TMEM132C: variants seen among roughly 807,000 people sequenced by gnomAD.
TMEM132C encodes transmembrane protein 132C, also known as protein phosphatase 1, regulatory subunit 152.
Under a neutral mutation model 61.4 loss-of-function variants are expected in TMEM132C, and 29 were observed. The ratio of observed to expected loss-of-function variants is 0.47; its 90% confidence interval spans 0.35 to 0.64. The LOEUF (loss-of-function observed/expected upper bound fraction) is 0.64. Among genes scored for constraint, TMEM132C ranks in the 30% least tolerant of loss-of-function variants. The probability of loss-of-function intolerance (pLI) is 0.00; values close to 1 mark genes in which losing one functional copy is unlikely to be tolerated. For missense variants in TMEM132C, 1,408 were observed against 1,476.9 expected (o/e 0.95, Z 0.76); for synonymous variants, 656 against 633.1 (o/e 1.04, Z -0.54).
intron 4 of TMEM132C, among the ~76,000 whole-genome samples, chr12:128,646,386 TGTGA>T (rs1242002205): frequency 2.0e-5 from 3 of 151,640 alleles, no homozygotes; most frequent in Admixed American, 6.6e-5. Context: ...CAGCGTTGGA[TGTGA>T]GTGTGTTTAC....
chr12:128,493,173 T>G lies in TMEM132C; in HGVS notation c.975-50784T>G, dbSNP rs556878014. 1.2e-4 allele frequency among the ~76,000 whole-genome samples: 19 copies of G among 152,314 alleles called. No homozygotes were observed. The South Asian group carries it at 3.7e-3, about 30-fold the overall frequency. On this transcript the variant is annotated intron_variant, in intron 2 of 8. Transcript: ENST00000435159. ...TCAGATGGTTTTAGATGTGTAGTAT[T>G]ATTTCTGAGGGCTCTGTTCTGTTCC...
intron 1 of TMEM132C, among the ~76,000 whole-genome samples, chr12:128,382,594 A>G (rs1874437207): frequency 6.6e-6 from 1 of 152,232 alleles, no homozygotes; most frequent in Non-Finnish European, 1.5e-5. Context: ...ATCTATAAAA[A>G]GAGAGGATCC....
chr12:128,493,334 A>C (rs1305865876), intron 2 of TMEM132C, among the ~76,000 whole-genome samples: 2 of 152,068 alleles, frequency 1.3e-5, no homozygotes, highest in African/African-American at 4.8e-5. Context: ...GCAATGTGGA[A>C]TGTTTTTTGG....
intron 1 of TMEM132C, among the ~76,000 whole-genome samples, chr12:128,401,860 G>A (rs528623714): frequency 6.6e-6 from 1 of 152,172 alleles, no homozygotes; most frequent in East Asian, 1.9e-4. Flanking sequence ...TGCCAGTGGT[G>A]TTCCTCCCTC....
intron 4 of TMEM132C, among the ~76,000 whole-genome samples, chr12:128,653,139 C>T (rs1049886258): frequency 1.3e-5 from 2 of 152,006 alleles, no homozygotes; most frequent in Admixed American, 6.6e-5. Flanking sequence ...GTGGACGAAC[C>T]TTGAAAATAT....
intron 5 of TMEM132C, among the ~76,000 whole-genome samples, chr12:128,684,305 T>C (rs1011856583): frequency 5.0e-5 from 7 of 139,448 alleles, no homozygotes; most frequent in African/African-American, 6.4e-5. Context: ...CCTGGTTTCA[T>C]AGATGAGGAA....
intron 1 of TMEM132C, among the ~76,000 whole-genome samples, chr12:128,345,232 G>T (rs1309612272): frequency 3.3e-5 from 5 of 152,138 alleles, no homozygotes; most frequent in Non-Finnish European, 5.9e-5. Flanking sequence ...CGAAGTACAT[G>T]ATCTCATTCC....
chr12:128,704,709 T>C (rs1229175332), intron 8 of TMEM132C, among the ~76,000 whole-genome samples: 1 of 151,976 alleles, frequency 6.6e-6, no homozygotes, highest in Non-Finnish European at 1.5e-5. Context: ...AATCACAGAG[T>C]GTGTGACAAA....
chr12:128,648,591 G>T (rs1311111871), intron 4 of TMEM132C, among the ~76,000 whole-genome samples: 1 of 151,802 alleles, frequency 6.6e-6, no homozygotes, highest in Non-Finnish European at 1.5e-5. Context: ...CACTGGATGT[G>T]AGTGTGTTTA....
intron 2 of TMEM132C, among the ~76,000 whole-genome samples, chr12:128,444,159 A>G (rs979285076): frequency 2.6e-5 from 4 of 152,108 alleles, no homozygotes; most frequent in African/African-American, 9.7e-5. Context: ...TGCTCAAGCG[A>G]TCCTCCCGCC....
At position 128,658,608 on chromosome 12, in the gene TMEM132C, C is replaced by T. The variant is rs184560800; in HGVS notation, c.1306-10809C>T. Among the ~76,000 whole-genome samples the T allele has an allele frequency of 5.6e-4, 85 of 152,250 alleles. 1 individual carries two copies. Among genetic ancestry groups the T allele is most frequent in the Non-Finnish European group, 1.1e-3 (74 of 68,030 alleles). ...GTCCAGAAAGGCCAGTTTTAGGGGC[C>T]TCTTGCTATTCAAGTGTTTATAGTC... On this transcript the variant is annotated intron_variant, in intron 4 of 8. Coordinates refer to ENST00000435159, the MANE Select transcript of TMEM132C (RefSeq NM_001136103.3).
intron 1 of TMEM132C, among the ~76,000 whole-genome samples, chr12:128,401,127 C>T (rs2136009968): frequency 1.3e-5 from 2 of 152,274 alleles, no homozygotes; most frequent in East Asian, 3.9e-4. Context: ...TTGGTACAGG[C>T]TGCAAGCTAA....
chr12:128,560,646 A>G (rs1874477705), intron 3 of TMEM132C, among the ~76,000 whole-genome samples: 1 of 152,150 alleles, frequency 6.6e-6, no homozygotes. Context: ...CTGTCTCTCC[A>G]TGAGAATGCA....
intron 8 of TMEM132C, among the ~76,000 whole-genome samples, chr12:128,700,869 G>A (rs926075705): frequency 4.6e-5 from 7 of 152,240 alleles, no homozygotes; most frequent in Non-Finnish European, 8.8e-5. Context: ...TTCTGTCTTA[G>A]TTTTGGTCTG....
intron 3 of TMEM132C, among the ~76,000 whole-genome samples, chr12:128,548,908 G>A (rs1485922758): frequency 2.0e-5 from 3 of 152,184 alleles, no homozygotes; most frequent in African/African-American, 7.2e-5. Flanking sequence ...TATGCAGGAG[G>A]ATGCGCATAG....
rs4882733 is a variant in TMEM132C at position 128,312,042 on chromosome 12, G to T, written c.85+44555G>T. ...CGGGGCTGACTCGGTTTGCAAAGTC[G>T]GGCGGTGGAGACTCTTCAGGGCAGC... is the stretch of plus-strand genomic sequence containing the variant. On this transcript the variant is annotated intron_variant, in intron 1 of 8. Coordinates refer to ENST00000435159, the MANE Select transcript of TMEM132C (RefSeq NM_001136103.3). 5.7e-3 allele frequency among the ~76,000 whole-genome samples: 866 copies of T among 152,116 alleles called. 9 individuals carry two copies. Among genetic ancestry groups the T allele is most frequent in the African/African-American group, 0.02 (816 of 41,486 alleles).
chr12:128,382,843 A>C (rs1409053522), intron 1 of TMEM132C, among the ~76,000 whole-genome samples: 2 of 152,178 alleles, frequency 1.3e-5, no homozygotes, highest in East Asian at 3.9e-4. Flanking sequence ...TGTATATCTG[A>C]GTATGTATGT....
intron 1 of TMEM132C, among the ~76,000 whole-genome samples, chr12:128,394,605 A>G (rs565788816): frequency 2.7e-4 from 41 of 152,376 alleles, no homozygotes; most frequent in African/African-American, 8.4e-4. Flanking sequence ...TTGTCACAGA[A>G]GAAAACTAAG....
intron 4 of TMEM132C, among the ~76,000 whole-genome samples, chr12:128,629,760 G>A (rs1954050270): frequency 1.3e-5 from 2 of 152,144 alleles, no homozygotes; most frequent in African/African-American, 4.8e-5. Flanking sequence ...GAGGTCAGGG[G>A]TTTGCGATCA....
Sources: gnomAD v4.1 joint callset for allele counts (sites outside exome capture counted in the v4.1 genomes callset) on GRCh38, gnomAD v4.1.1 for gene constraint, MANE v1.5 for transcripts, NCBI Gene and HGNC (gene_info 2026-07-23, HGNC 2026-07-21) for gene names.